The following DOCK3 variants were observed in gnomAD, a reference collection of about 807,000 sequenced individuals.
DOCK3 encodes the protein dedicator of cytokinesis 3.
DOCK3 carries 60 observed loss-of-function variants against 265.6 expected under a neutral mutation model. The observed-to-expected ratio is 0.23, with a 90% CI of 0.18 to 0.28. DOCK3 has a LOEUF of 0.28. Ranked by LOEUF, DOCK3 falls within the 10% of genes least tolerant of loss-of-function variation. DOCK3 has a pLI of 1.00. For missense variants in DOCK3, 1,981 were observed against 2,594.3 expected, an observed-to-expected ratio of 0.76 and a Z score of 5.14; for synonymous variants, 881 against 938.0, an observed-to-expected ratio of 0.94 and a Z score of 1.11.
intron 5 of DOCK3, among the ~76,000 whole-genome samples, chr3:51,035,066 G>T (rs989418895): frequency 2.0e-5 from 3 of 151,732 alleles, no homozygotes; most frequent in South Asian, 2.1e-4. Flanking sequence ...GTCTGTTTGC[G>T]ATTCATTGAG....
At chr3:50,865,541 C>T (rs575193335) in intron 3 of DOCK3, among the ~76,000 whole-genome samples, 1 of 152,270 alleles carries the variant, frequency 6.6e-6, no homozygotes, top group African/African-American at 2.4e-5. Context: ...TTTTCTTTAT[C>T]CATTTGTCTG....
intron 5 of DOCK3, among the ~76,000 whole-genome samples, chr3:50,941,396 A>T (rs2076291183): frequency 6.6e-6 from 1 of 152,156 alleles, no homozygotes; most frequent in Non-Finnish European, 1.5e-5. Context: ...AATGACTGAA[A>T]TAAAAATTAC....
intron 5 of DOCK3, among the ~76,000 whole-genome samples, chr3:51,018,614 G>A (rs2079457679): frequency 6.6e-6 from 1 of 151,726 alleles, no homozygotes; most frequent in African/African-American, 2.4e-5. Flanking sequence ...GAAGGGACCC[G>A]AGTCTAGACA....
chr3:51,379,813 G>A (rs1347413572), intron 51 of DOCK3, among the ~76,000 whole-genome samples: 2 of 152,272 alleles, frequency 1.3e-5, no homozygotes, highest in Non-Finnish European at 2.9e-5. Flanking sequence ...GGAATTGACT[G>A]TGCCAGGCAC....
chr3:51,008,288 CTT>C lies in DOCK3; in HGVS notation c.316-56157_316-56156del, dbSNP rs759709166. On this transcript the variant is annotated intron_variant, in intron 5 of 52. Coordinates refer to ENST00000266037, the MANE Select transcript of DOCK3 (RefSeq NM_004947.5). ...ATGTTCTTCCATTTGTTTGTGCCCT[CTT>C]TTATTTCATTGAGCAGTGGTTTGTA... 1.1e-3 allele frequency among the ~76,000 whole-genome samples: 163 copies of C among 152,294 alleles called. 1 individual carries two copies. The highest frequency in any genetic ancestry group is 2.1e-3 in the Non-Finnish European group (141 of 68,018).
chr3:50,900,954 AG>A, intron 4 of DOCK3: 1 of 424,890 alleles, frequency 2.4e-6, no homozygotes, highest in African/African-American at 2.1e-5. Context: ...CACGGGGGTC[AG>A]GGACCCACCT....
intron 2 of DOCK3, among the ~76,000 whole-genome samples, chr3:50,805,735 T>C (rs1420134116): frequency 6.6e-6 from 1 of 152,148 alleles, no homozygotes; most frequent in Non-Finnish European, 1.5e-5. Flanking sequence ...GGACAGCCCA[T>C]GGAGCTATTT....
intron 14 of DOCK3, 106 bp downstream of exon 14, chr3:51,214,353 AT>A: frequency 1.4e-6 from 2 of 1,449,826 alleles, no homozygotes; most frequent in Non-Finnish European, 1.8e-6. Flanking sequence ...ACCTGCAGCT[AT>A]TAAAATCTCC....
At position 51,146,567 on chromosome 3, in the gene DOCK3, A is replaced by T; in HGVS notation, c.765A>T (p.Arg255Ser). 6.3e-7 allele frequency: 1 copy of T among 1,597,364 alleles called. No homozygotes were observed. Among genetic ancestry groups the T allele is most frequent in the Non-Finnish European group, 8.5e-7 (1 of 1,171,382 alleles). The change falls in exon 10 of 53, where the codon AGA becomes AGT. Residue 255 changes from arginine to serine, a missense_variant. By Grantham distance (110) the Arg-to-Ser change is moderately radical. Transcript: ENST00000266037. ...ATTTCAGTGAGCGGTTTCTGGTAAG[A>T]CTGAACAAGAATGGTGGGCCGAGGA... The part of the protein sequence containing the change: ...GKQISERFLV[R>S]LNKNGGPRNP...
chr3:51,106,830 C>T (rs889593035), intron 9 of DOCK3, among the ~76,000 whole-genome samples: 1 of 152,224 alleles, frequency 6.6e-6, no homozygotes, highest in Non-Finnish European at 1.5e-5. Context: ...GCTGGCACCT[C>T]AGTACCCACT....
At chr3:51,102,487 T>A (rs1417515311) in intron 9 of DOCK3, among the ~76,000 whole-genome samples, 1 of 152,164 alleles carries the variant, frequency 6.6e-6, no homozygotes, top group East Asian at 1.9e-4. Context: ...TTTTGAGGAA[T>A]GTGCTAAATG....
intron 5 of DOCK3, among the ~76,000 whole-genome samples, chr3:51,035,392 A>G (rs2080227471): frequency 6.6e-6 from 1 of 152,068 alleles, no homozygotes; most frequent in Non-Finnish European, 1.5e-5. Context: ...TAAATTTCTC[A>G]TACTGTGTTT....
chr3:51,268,652 G>C (rs2080326498), intron 23 of DOCK3, among the ~76,000 whole-genome samples: 1 of 152,086 alleles, frequency 6.6e-6, no homozygotes, highest in Non-Finnish European at 1.5e-5. Flanking sequence ...GCTTGCCTCT[G>C]TGTTGCCTCT....
chr3:50,729,511 G>A (rs1315681518), intron 1 of DOCK3, among the ~76,000 whole-genome samples: 1 of 151,856 alleles, frequency 6.6e-6, no homozygotes. Context: ...CTAGCATTAG[G>A]TATATCTCCC....
intron 7 of DOCK3, among the ~76,000 whole-genome samples, chr3:51,077,473 G>T (rs1410559876): frequency 6.6e-6 from 1 of 152,166 alleles, no homozygotes; most frequent in Non-Finnish European, 1.5e-5. Flanking sequence ...TCAGTAGCTT[G>T]AGCTAGAGCT....
intron 9 of DOCK3, among the ~76,000 whole-genome samples, chr3:51,117,978 G>A (rs901974467): frequency 6.6e-6 from 1 of 152,238 alleles, no homozygotes; most frequent in Middle Eastern, 3.4e-3. Context: ...TCTGATCTGA[G>A]TTATTTCTTG....
At position 51,017,000 on chromosome 3, in the gene DOCK3, C is replaced by G. The variant is rs968898408; in HGVS notation, c.316-47448C>G. Among the ~76,000 whole-genome samples the G allele has an allele frequency of 3.0e-5, 4 of 135,356 alleles. 1 individual carries two copies. Among genetic ancestry groups the G allele is most frequent in the African/African-American group, 8.4e-5 (3 of 35,614 alleles). The allele number at this position is 135,356 out of a possible 152,430, so 88.8% of individuals were successfully genotyped here. A position where few individuals can be genotyped will look rare whatever the true frequency, so the allele number is the denominator to read the frequency against. ...TAAATGGTAAAATTTAGTAGTAAAACCATTGAGTGTCCTTTCTTTGCTGGG... is the reference window on the plus strand; with the variant it reads ...TAAATGGTAAAATTTAGTAGTAAAAGCATTGAGTGTCCTTTCTTTGCTGGG... On this transcript the variant is annotated intron_variant, in intron 5 of 52. Coordinates refer to ENST00000266037, the MANE Select transcript of DOCK3 (RefSeq NM_004947.5).
At chr3:50,844,906 T>C (rs2046008490) in intron 3 of DOCK3, among the ~76,000 whole-genome samples, 1 of 152,198 alleles carries the variant, frequency 6.6e-6, no homozygotes, top group South Asian at 2.1e-4. Context: ...TGCCATGTTA[T>C]GTATTTGTTA....
chr3:50,849,530 C>CTGTA (rs2046259342), intron 3 of DOCK3, among the ~76,000 whole-genome samples: 1 of 151,540 alleles, frequency 6.6e-6, no homozygotes, highest in South Asian at 2.1e-4. Context: ...TCACAGCTCA[C>CTGTA]TGTAGCCTTG....
Sources: gnomAD v4.1 joint callset for allele counts (sites outside exome capture counted in the v4.1 genomes callset) on GRCh38, gnomAD v4.1.1 for gene constraint, MANE v1.5 for transcripts, NCBI Gene and HGNC (gene_info 2026-07-23, HGNC 2026-07-21) for gene names.